SETBP1: variants seen among roughly 807,000 people sequenced by gnomAD.
SETBP1 encodes SET binding protein 1.
In SETBP1, 9 loss-of-function variants were observed where a neutral mutation model predicts 101.0. That is an observed-to-expected ratio of 0.09 (90% CI 0.05 to 0.16). SETBP1 has a LOEUF of 0.16. Among genes scored for constraint, SETBP1 ranks in the 10% least tolerant of loss-of-function variants. The pLI is 1.00. For synonymous variants in SETBP1, 818 were observed against 788.5 expected (o/e 1.04, Z -0.63); for missense variants, 1,858 against 2,033.8 (o/e 0.91, Z 1.66).
intron 4 of SETBP1, among the ~76,000 whole-genome samples, chr18:44,979,113 G>A (rs748535941): frequency 1.7e-4 from 26 of 152,154 alleles, no homozygotes; most frequent in Non-Finnish European, 3.2e-4. Context: ...GCCCAGGGAG[G>A]CTTTTCCTCT....
chr18:44,868,714 GGAAGGAAGGAAGGAAGGA>G (rs2069194743), intron 2 of SETBP1, among the ~76,000 whole-genome samples: 1 of 4,276 alleles, frequency 2.3e-4, no homozygotes, highest in African/African-American at 5.0e-4. Context: ...AAGGAAGGGA[GGAAGGAAGGAAGGAAGGA>G]AGGAAGGAAG....
At chr18:44,974,677 A>G (rs905502988) in intron 4 of SETBP1, among the ~76,000 whole-genome samples, 1 of 152,216 alleles carries the variant, frequency 6.6e-6, no homozygotes. Flanking sequence ...ATATATTTGT[A>G]TATATTTAAA....
At chr18:44,968,045 C>A (rs1339155711) in intron 4 of SETBP1, among the ~76,000 whole-genome samples, 1 of 152,086 alleles carries the variant, frequency 6.6e-6, no homozygotes, top group Non-Finnish European at 1.5e-5. Flanking sequence ...TCTAGAACTG[C>A]AAATTGCTCA....
chr18:45,029,837 T>C (rs2073252168), intron 4 of SETBP1, among the ~76,000 whole-genome samples: 1 of 152,160 alleles, frequency 6.6e-6, no homozygotes, highest in Non-Finnish European at 1.5e-5. Context: ...ATAAGAATGC[T>C]TGTGATTTTA....
chr18:44,948,834 A>C lies in SETBP1; in HGVS notation c.541-1047A>C, dbSNP rs146082005. On this transcript the variant is annotated intron_variant, in intron 3 of 5. Coordinates refer to ENST00000649279, the MANE Select transcript of SETBP1 (RefSeq NM_015559.3). ...CCATTCTCATTGTGGTTTTGTAGAC[A>C]CTGATTATGTTGTGCCTCCAGCAAC... 4.4e-3 allele frequency among the ~76,000 whole-genome samples: 671 copies of C among 152,334 alleles called. 4 individuals are homozygous for C. The highest frequency in any genetic ancestry group is 0.015 in the African/African-American group (643 of 41,580).
chr18:44,693,290 G>A (rs2068963629), intron 1 of SETBP1, among the ~76,000 whole-genome samples: 1 of 152,164 alleles, frequency 6.6e-6, no homozygotes, highest in Non-Finnish European at 1.5e-5. Flanking sequence ...GCCAAGCCCT[G>A]GGGGTGACCA....
intron 2 of SETBP1, among the ~76,000 whole-genome samples, chr18:44,821,819 A>G (rs1363027180): frequency 6.6e-6 from 1 of 152,218 alleles, no homozygotes; most frequent in East Asian, 1.9e-4. Flanking sequence ...TCAGAATCAG[A>G]GCTGTTTAGC....
At chr18:44,843,814 A>G (rs963755422) in intron 2 of SETBP1, among the ~76,000 whole-genome samples, 9 of 152,308 alleles carry the variant, frequency 5.9e-5, no homozygotes, top group Admixed American at 4.6e-4. Flanking sequence ...GGAGGGTCTC[A>G]GTGCATTTGC....
In SETBP1 at chr18:44,951,146, T is replaced by C; in HGVS notation, c.1806T>C (p.His602=). The C allele has an allele frequency of 9.9e-6, 16 of 1,614,114 alleles. No individual in the cohort carries two copies. The highest frequency in any genetic ancestry group is 1.4e-5 in the Non-Finnish European group (16 of 1,180,030). The change falls in exon 4 of 6, where the codon CAT becomes CAC. Residue 602 remains histidine, a synonymous_variant. Coordinates refer to ENST00000649279, the MANE Select transcript of SETBP1 (RefSeq NM_015559.3). The surrounding 1 kb of genome is among the most constrained non-coding windows in gnomAD (Gnocchi z 7.8). Reference sequence around the variant, plus strand: ...CTTTGCTCACAGTCGAGACGATTCATGAGGGAACTTCCACCAGCCCCGTCA... The same window carrying C: ...CTTTGCTCACAGTCGAGACGATTCACGAGGGAACTTCCACCAGCCCCGTCA... ...KQPLLTVETI[H]EGTSTSPVSP...
At chr18:45,047,445 C>T (rs35176380) in intron 5 of SETBP1, among the ~76,000 whole-genome samples, 1,685 of 152,154 alleles carry the variant, frequency 0.011, 19 homozygotes, top group Non-Finnish European at 0.013. Flanking sequence ...TGTTCACTGG[C>T]GCTTTCCATT....
chr18:44,897,923 G>A (rs1398104956), intron 3 of SETBP1, among the ~76,000 whole-genome samples: 1 of 152,168 alleles, frequency 6.6e-6, no homozygotes, highest in Non-Finnish European at 1.5e-5. Context: ...GGTTACTGAA[G>A]TATTGAGACT....
intron 4 of SETBP1, among the ~76,000 whole-genome samples, chr18:45,032,640 A>C (rs1426438333): frequency 2.0e-5 from 3 of 152,132 alleles, no homozygotes; most frequent in Non-Finnish European, 2.9e-5. Flanking sequence ...GCATGGGAGG[A>C]GAATGGGGAT....
chr18:45,022,459 A>G (rs1202437773), intron 4 of SETBP1, among the ~76,000 whole-genome samples: 2 of 152,194 alleles, frequency 1.3e-5, no homozygotes, highest in African/African-American at 2.4e-5. Flanking sequence ...TTCCTCCCCA[A>G]CAGTGAAGTC....
chr18:45,006,462 G>A (rs2072729462), intron 4 of SETBP1, among the ~76,000 whole-genome samples: 1 of 152,190 alleles, frequency 6.6e-6, no homozygotes, highest in African/African-American at 2.4e-5. Flanking sequence ...GAGGCTGGAA[G>A]TCCAAGATCA....
At chr18:44,972,666 G>C (rs1291228712) in intron 4 of SETBP1, among the ~76,000 whole-genome samples, 1 of 152,128 alleles carries the variant, frequency 6.6e-6, no homozygotes, top group Non-Finnish European at 1.5e-5. Flanking sequence ...CTCATGATTT[G>C]GCTCTCTGTT....
chr18:44,820,999 G>T (rs1178854088), intron 2 of SETBP1, among the ~76,000 whole-genome samples: 1 of 152,176 alleles, frequency 6.6e-6, no homozygotes, highest in Non-Finnish European at 1.5e-5. Flanking sequence ...TTATTGGCAG[G>T]TAAGGATCTT....
rs138396800 is a variant in SETBP1, at chr18:44,857,533, C to T, written c.487-11697C>T. Among the ~76,000 whole-genome samples, 921 of 101,846 alleles carry T rather than the reference C, an allele frequency of 9.0e-3. 7 individuals are homozygous for T. The highest frequency in any genetic ancestry group is 0.034 in the African/African-American group (878 of 26,198). 66.8% of individuals were successfully genotyped at this position (101,846 alleles called of 152,430 possible). On this transcript the variant is annotated intron_variant, in intron 2 of 5. Transcript: ENST00000649279. ...GTGTGTCTGCAAAAGTGAACATTGCCAGTCCCTTCGGTGGGCCCTTCTTTG... is the reference window on the plus strand; with the variant it reads ...GTGTGTCTGCAAAAGTGAACATTGCTAGTCCCTTCGGTGGGCCCTTCTTTG...
At chr18:44,844,649 A>AT (rs926098411) in intron 2 of SETBP1, among the ~76,000 whole-genome samples, 3 of 152,098 alleles carry the variant, frequency 2.0e-5, no homozygotes, top group Admixed American at 6.5e-5. Context: ...AAATCATGGG[A>AT]TTTTTCCTGC....
intron 2 of SETBP1, among the ~76,000 whole-genome samples, chr18:44,730,915 C>T (rs559248904): frequency 1.3e-4 from 20 of 152,326 alleles, no homozygotes; most frequent in Non-Finnish European, 2.6e-4. Context: ...GGTTGTGGAT[C>T]GGCCTAGTAG....
Sources: allele counts gnomAD v4.1 joint callset (sites outside exome capture counted in the v4.1 genomes callset), GRCh38; gene constraint gnomAD v4.1.1; non-coding constraint Gnocchi (gnomAD v3.1); transcripts MANE v1.5; gene names NCBI Gene and HGNC (gene_info 2026-07-23, HGNC 2026-07-21).